The following CPVL variants were observed in gnomAD, a reference collection of about 807,000 sequenced individuals.
CPVL encodes the protein carboxypeptidase vitellogenic like, also known as probable serine carboxypeptidase CPVL.
Under a neutral mutation model 63.7 loss-of-function variants are expected in CPVL, and 51 were observed. The observed-to-expected ratio is 0.80, with a 90% CI of 0.64 to 1.01. The LOEUF (loss-of-function observed/expected upper bound fraction) is 1.01. Ranked by LOEUF, CPVL falls within the 50% of genes least tolerant of loss-of-function variation. CPVL has a pLI of 0.00. For synonymous variants in CPVL, 195 were observed against 206.0 expected (o/e 0.95, Z 0.46); for missense variants, 530 against 573.1 (o/e 0.92, Z 0.77).
intron 5 of CPVL, among the ~76,000 whole-genome samples, chr7:29,176,451 T>A (rs1207892851): frequency 2.6e-5 from 4 of 152,182 alleles, no homozygotes; most frequent in Non-Finnish European, 5.9e-5. Context: ...AATGGGTATG[T>A]CTTCATTAGC....
chr7:29,119,189 T>C (rs780864468), intron 2 of CPVL, among the ~76,000 whole-genome samples: 41 of 152,092 alleles, frequency 2.7e-4, no homozygotes, highest in Non-Finnish European at 4.6e-4. Context: ...CAAAGAAGCA[T>C]TAAGAGCAGA....
chr7:29,098,912 A>C (rs1182260059), intron 3 of CPVL, among the ~76,000 whole-genome samples: 1 of 152,128 alleles, frequency 6.6e-6, no homozygotes, highest in Admixed American at 6.5e-5. Flanking sequence ...AAAATACAAA[A>C]AAATTAGCTG....
chr7:29,003,381 A>G (rs1335930008), intron 12 of CPVL, among the ~76,000 whole-genome samples: 1 of 152,248 alleles, frequency 6.6e-6, no homozygotes, highest in African/African-American at 2.4e-5. Flanking sequence ...TAGAACTTGT[A>G]TAGAAATGAA....
At chr7:29,096,629 C>T (rs1483723716) in intron 3 of CPVL, among the ~76,000 whole-genome samples, 1 of 152,208 alleles carries the variant, frequency 6.6e-6, no homozygotes, top group East Asian at 1.9e-4. Context: ...AGAATCCATT[C>T]TCAGTGACAC....
At chr7:29,191,000 A>G (rs62444100) in intron 1 of CPVL, among the ~76,000 whole-genome samples, 13,938 of 151,896 alleles carry the variant, frequency 0.092, 830 homozygotes, top group East Asian at 0.27. Context: ...AGTGGCATCA[A>G]CAGAGCTCAC....
Position 29,083,722 on chromosome 7 carries a change from C to T in CPVL, c.609+2762G>A, listed in dbSNP as rs1357942426. ...CAGCCACACCTGACGTTAAATCAATCAATGCCCTGTTTCACTAAAGCTGCT... is the reference window on the plus strand; with the variant it reads ...CAGCCACACCTGACGTTAAATCAATTAATGCCCTGTTTCACTAAAGCTGCT... On this transcript the variant is annotated intron_variant, in intron 7 of 12. Transcript: ENST00000265394. Among the ~76,000 whole-genome samples, 3 of 152,140 alleles carry T rather than the reference C, an allele frequency of 2.0e-5. No individual in the cohort carries two copies. The East Asian group carries it at 5.8e-4, about 29-fold the overall frequency.
intron 1 of CPVL, among the ~76,000 whole-genome samples, chr7:29,124,488 T>A (rs1413857014): frequency 6.6e-6 from 1 of 152,164 alleles, no homozygotes; most frequent in African/African-American, 2.4e-5. Flanking sequence ...TTGCTAAAAT[T>A]GTCTTACTAA....
At chr7:29,006,748 G>A (rs1297662000) in intron 12 of CPVL, among the ~76,000 whole-genome samples, 2 of 152,170 alleles carry the variant, frequency 1.3e-5, no homozygotes, top group Non-Finnish European at 2.9e-5. Flanking sequence ...ATATTTTCAT[G>A]ATGCCATTTG....
intron 2 of CPVL, among the ~76,000 whole-genome samples, chr7:29,120,448 AAT>A (rs745448244): frequency 5.4e-5 from 8 of 147,578 alleles, no homozygotes; most frequent in South Asian, 2.1e-4. Flanking sequence ...AAACAAACAA[AAT>A]ATATATATAT....
intron 3 of CPVL, among the ~76,000 whole-genome samples, chr7:29,097,565 G>T (rs1227264546): frequency 6.6e-6 from 1 of 152,018 alleles, no homozygotes; most frequent in Admixed American, 6.6e-5. Context: ...GCGTGATGGC[G>T]GGTACCTGTA....
chr7:29,127,238 T>C (rs927190095), intron 1 of CPVL, among the ~76,000 whole-genome samples: 2 of 152,172 alleles, frequency 1.3e-5, no homozygotes, highest in African/African-American at 4.8e-5. Context: ...GAAAGTAAAA[T>C]GTAAACATTA....
upstream of CPVL, among the ~76,000 whole-genome samples, chr7:29,147,994 G>A (rs1793004252): frequency 6.6e-6 from 1 of 152,128 alleles, no homozygotes; most frequent in Non-Finnish European, 1.5e-5. Context: ...TTCCCACAGG[G>A]CTCTAGTCCA....
chr7:29,066,164 T>A, intron 9 of CPVL, 43 bp from the exon 10 acceptor site: 2 of 954,636 alleles, frequency 2.1e-6, no homozygotes, highest in Non-Finnish European at 3.3e-6. Flanking sequence ...AAAGAAAACA[T>A]CAGTGTGGAT....
chr7:29,177,841 C>G (rs1466306029), intron 5 of CPVL, among the ~76,000 whole-genome samples: 1 of 151,922 alleles, frequency 6.6e-6, no homozygotes, highest in Non-Finnish European at 1.5e-5. Flanking sequence ...TTTTCCAACC[C>G]AGACCTCTCT....
intron 4 of CPVL, among the ~76,000 whole-genome samples, chr7:29,182,673 A>G (rs1049859074): frequency 1.7e-4 from 26 of 152,326 alleles, no homozygotes; most frequent in Middle Eastern, 3.4e-3. Context: ...AGTAAACCCA[A>G]TGTCCCTCAA....
chr7:29,118,270 A>G (rs1471274980), intron 2 of CPVL, among the ~76,000 whole-genome samples: 1 of 152,270 alleles, frequency 6.6e-6, no homozygotes, highest in Non-Finnish European at 1.5e-5. Flanking sequence ...GAATTTGGTT[A>G]TAACAATTAC....
At chr7:29,186,942 TATTATA>T (rs1227775613) in intron 1 of CPVL, among the ~76,000 whole-genome samples, 1 of 152,180 alleles carries the variant, frequency 6.6e-6, no homozygotes, top group Non-Finnish European at 1.5e-5. Context: ...TTAATTAAGA[TATTATA>T]TAAGTTTTCT....
chr7:29,142,528 C>CTTTTTT (rs10663904), intron 1 of CPVL, among the ~76,000 whole-genome samples: 18 of 127,614 alleles, frequency 1.4e-4, no homozygotes, highest in East Asian at 4.5e-4. Flanking sequence ...CTTCCAGATA[C>CTTTTTT]TTTTTTTTTT....
At chr7:29,156,529 T>C (rs542681250) in intron 5 of CPVL, among the ~76,000 whole-genome samples, 3 of 152,320 alleles carry the variant, frequency 2.0e-5, no homozygotes, top group East Asian at 1.9e-4. Context: ...TCTCCTTTTA[T>C]TGGGGCTGAA....
Sources: allele counts gnomAD v4.1 joint callset (sites outside exome capture counted in the v4.1 genomes callset), GRCh38; gene constraint gnomAD v4.1.1; transcripts MANE v1.5; gene names NCBI Gene and HGNC (gene_info 2026-07-23, HGNC 2026-07-21).